The following SRGAP2C variants were observed in gnomAD, a reference collection of about 807,000 sequenced individuals.
SRGAP2C encodes the protein SLIT-ROBO Rho GTPase-activating protein 2C.
SRGAP2C carries 15 observed loss-of-function variants against 25.1 expected under a neutral mutation model. The observed-to-expected ratio is 0.60, with a 90% CI of 0.40 to 0.92. The LOEUF is 0.92. SRGAP2C is among the 40% of genes least tolerant of loss of function. The probability of loss-of-function intolerance (pLI) is 0.00; values close to 1 mark genes in which losing one functional copy is unlikely to be tolerated. For synonymous variants in SRGAP2C, 44 were observed against 96.6 expected, an observed-to-expected ratio of 0.46 and a Z score of 3.19; for missense variants, 144 against 264.4, an observed-to-expected ratio of 0.54 and a Z score of 3.16.
intron 2 of SRGAP2C, among the ~76,000 whole-genome samples, chr1:121,274,001 T>C (rs1353628988): frequency 3.3e-5 from 5 of 151,326 alleles, no homozygotes; most frequent in African/African-American, 9.7e-5. Flanking sequence ...GGTAGTTGTG[T>C]TCATCTGGGG....
chr1:121,353,056 C>T (rs1553346579), intron 4 of SRGAP2C, among the ~76,000 whole-genome samples: 2 of 150,680 alleles, frequency 1.3e-5, no homozygotes, highest in Admixed American at 1.3e-4. Context: ...AGCCACTACA[C>T]TCCAGCCTGG....
At chr1:121,271,046 A>G (rs563063) in intron 2 of SRGAP2C, among the ~76,000 whole-genome samples, 7,957 of 150,094 alleles carry the variant, frequency 0.053, 731 homozygotes, top group African/African-American at 0.18. Context: ...GTCTGCCTGC[A>G]TTGGCCTCCC....
chr1:121,306,633 TTCCC>T (rs1189739247), intron 3 of SRGAP2C, among the ~76,000 whole-genome samples: 70 of 149,180 alleles, frequency 4.7e-4, no homozygotes, highest in African/African-American at 8.6e-4. Context: ...GTTTCCCCGC[TTCCC>T]TCCCTCCCTC....
intron 2 of SRGAP2C, among the ~76,000 whole-genome samples, chr1:121,259,548 A>G (rs1656563480): frequency 6.8e-6 from 1 of 148,136 alleles, no homozygotes; most frequent in South Asian, 2.1e-4. Flanking sequence ...GTAGGTGAAG[A>G]TATACTTATA....
intron 2 of SRGAP2C, among the ~76,000 whole-genome samples, chr1:121,257,277 A>G (rs1656494515): frequency 6.8e-6 from 1 of 147,448 alleles, no homozygotes. Context: ...CGCCATGCCC[A>G]GCTAATTTTT....
intron 3 of SRGAP2C, among the ~76,000 whole-genome samples, chr1:121,308,476 G>A (rs1553339711): frequency 6.5e-4 from 98 of 150,904 alleles, no homozygotes; most frequent in African/African-American, 2.2e-3. Context: ...TAAATTAATA[G>A]CAATAAAATG....
chr1:121,390,976 G>A lies in SRGAP2C; in HGVS notation c.*3121G>A, dbSNP rs1278530153. ...GGATTACTTGAACTGGGGAGGCATA[G>A]GTTGTAGTGAGCCAAGGTCGTGTCA... On this transcript the variant is annotated 3_prime_UTR_variant, in exon 10 of 10. Transcript: ENST00000367123. 3.6e-5 allele frequency: 4 copies of A among 112,032 alleles called. No individual in the cohort carries two copies. The South Asian group carries it at 8.3e-4, about 23-fold the overall frequency. 6.9% of individuals were successfully genotyped at this position (112,032 alleles called of 1,614,324 possible).
At chr1:121,207,140 CTG>C (rs1214460312) in intron 2 of SRGAP2C, among the ~76,000 whole-genome samples, 2 of 150,598 alleles carry the variant, frequency 1.3e-5, no homozygotes, top group Non-Finnish European at 3.0e-5. Context: ...TGCAGAGAAA[CTG>C]TGAAATAGAT....
At chr1:121,249,568 ATATATATATATATT>A (rs1363790506) in intron 2 of SRGAP2C, among the ~76,000 whole-genome samples, 533 of 36,810 alleles carry the variant, frequency 0.014, 12 homozygotes, top group Non-Finnish European at 0.02. Context: ...ATATATATAT[ATATATATATATATT>A]TTTTTTTTTT....
At chr1:121,293,162 G>A (rs1553337886) in intron 3 of SRGAP2C, among the ~76,000 whole-genome samples, 26 of 124,540 alleles carry the variant, frequency 2.1e-4, no homozygotes, top group South Asian at 1.2e-3. Context: ...GGGAAAGGAA[G>A]CATTTTAGAT....
intron 2 of SRGAP2C, among the ~76,000 whole-genome samples, chr1:121,211,442 C>CAG (rs1655253661): frequency 4.3e-3 from 613 of 144,068 alleles, no homozygotes; most frequent in African/African-American, 0.015. Context: ...CACACACACA[C>CAG]ACACACACAC....
chr1:121,225,854 G>A (rs1173251843), intron 2 of SRGAP2C, among the ~76,000 whole-genome samples: 28 of 137,702 alleles, frequency 2.0e-4, no homozygotes, highest in Non-Finnish European at 3.1e-4. Flanking sequence ...ACAGGCGCCC[G>A]CCACCACGCC....
chr1:121,293,637 T>C (rs1317126448), intron 3 of SRGAP2C, among the ~76,000 whole-genome samples: 1 of 152,042 alleles, frequency 6.6e-6, no homozygotes, highest in African/African-American at 2.4e-5. Flanking sequence ...GGAGTGACAA[T>C]AGTACTGTAT....
At chr1:121,273,900 T>A (rs1342380510) in intron 2 of SRGAP2C, among the ~76,000 whole-genome samples, 1 of 151,694 alleles carries the variant, frequency 6.6e-6, no homozygotes, top group Non-Finnish European at 1.5e-5. Flanking sequence ...TAGAAGGCAA[T>A]GCACTGTCAG....
intron 4 of SRGAP2C, among the ~76,000 whole-genome samples, chr1:121,351,685 A>C (rs1283403337): frequency 6.6e-6 from 1 of 150,602 alleles, no homozygotes. Context: ...ATGTTAATGA[A>C]GTGATTTATG....
intron 3 of SRGAP2C, among the ~76,000 whole-genome samples, chr1:121,317,064 A>G (rs1251046906): frequency 8.2e-6 from 1 of 122,610 alleles, no homozygotes; most frequent in Non-Finnish European, 1.7e-5. Flanking sequence ...ATCCAAGCCA[A>G]TGTACACACA....
At chr1:121,204,168 G>A (rs1372016582) in intron 2 of SRGAP2C, among the ~76,000 whole-genome samples, 2 of 143,666 alleles carry the variant, frequency 1.4e-5, no homozygotes, top group Non-Finnish European at 3.0e-5. Flanking sequence ...AAAAAAAAAA[G>A]ATGGAGGTAG....
chr1:121,269,918 T>C lies in SRGAP2C; in HGVS notation c.68-14885T>C, dbSNP rs1440266868. Among the ~76,000 whole-genome samples the C allele has an allele frequency of 4.0e-5, 6 of 151,392 alleles. 1 individual carries two copies. Among genetic ancestry groups the C allele is most frequent in the Non-Finnish European group, 8.8e-5 (6 of 67,798 alleles). On this transcript the variant is annotated intron_variant, in intron 2 of 9. Coordinates refer to ENST00000367123, the MANE Select transcript of SRGAP2C (RefSeq NM_001329984.2). Reference sequence around the variant, plus strand: ...GTTTTTAAACTTCCTTGCACTACTCTTCCTATCTCTCAATTTTTATAGCTT... The same window carrying C: ...GTTTTTAAACTTCCTTGCACTACTCCTCCTATCTCTCAATTTTTATAGCTT...
At position 121,185,092 on chromosome 1, in the gene SRGAP2C, C is replaced by G. The variant is rs1400881970; in HGVS notation, c.-575C>G. The G allele has an allele frequency of 8.7e-5, 43 of 493,018 alleles. No homozygotes were observed. The highest frequency in any genetic ancestry group is 1.4e-4 in the Non-Finnish European group (40 of 281,444). The allele number at this position is 493,018 out of a possible 1,614,324, so 30.5% of individuals were successfully genotyped here. On this transcript the variant is annotated 5_prime_UTR_variant, in exon 1 of 10. Coordinates refer to ENST00000367123, the MANE Select transcript of SRGAP2C (RefSeq NM_001329984.2). ...GGAGAGCTCTGAGTGGGAAGCGGAACCGGGGGCCTGGGACCCGTCGCGTCA... is the reference window on the plus strand; with the variant it reads ...GGAGAGCTCTGAGTGGGAAGCGGAAGCGGGGGCCTGGGACCCGTCGCGTCA...
Sources: gnomAD v4.1 joint callset for allele counts (sites outside exome capture counted in the v4.1 genomes callset) on GRCh38, gnomAD v4.1.1 for gene constraint, MANE v1.5 for transcripts, NCBI Gene and HGNC (gene_info 2026-07-23, HGNC 2026-07-21) for gene names.